Variants in EDA observed in about 807,000 individuals in gnomAD.
EDA encodes the protein ectodysplasin A.
EDA carries 2 observed loss-of-function variants against 23.6 expected under a neutral mutation model. That is an observed-to-expected ratio of 0.08 (90% CI 0.03 to 0.27). The LOEUF is 0.27. Among genes scored for constraint, EDA ranks in the 10% least tolerant of loss-of-function variants. The pLI, the probability that EDA is intolerant of heterozygous loss-of-function variation, is 1.00. For synonymous variants in EDA, 131 were observed against 132.0 expected (o/e 0.99, Z 0.05); for missense variants, 229 against 324.2 (o/e 0.71, Z 2.26).
intron 1 of EDA, among the ~76,000 whole-genome samples, chrX:69,683,321 T>TATA (rs779742084): frequency 1.8e-5 from 2 of 111,329 alleles, no homozygotes; most frequent in Admixed American, 9.6e-5. Flanking sequence ...GTGCCTGGCA[T>TATA]ATAATAATAA....
At chrX:70,001,287 C>T (rs1245703391) in intron 2 of EDA, among the ~76,000 whole-genome samples, 2 of 111,696 alleles carry the variant, frequency 1.8e-5, no homozygotes, top group African/African-American at 3.2e-5. Context: ...TAAAGGGACA[C>T]AACATGCACA....
chrX:69,674,855 T>C (rs1283469339), intron 1 of EDA, among the ~76,000 whole-genome samples: 2 of 112,142 alleles, frequency 1.8e-5, no homozygotes, highest in African/African-American at 6.5e-5. Flanking sequence ...CCTTCTACTC[T>C]CTTGGCTTCA....
At chrX:69,790,934 G>A (rs773731217) in intron 1 of EDA, among the ~76,000 whole-genome samples, 2 of 110,717 alleles carry the variant, frequency 1.8e-5, no homozygotes, top group Admixed American at 9.6e-5. Flanking sequence ...AAGTAGTTAT[G>A]ATAAGTGAAA....
At chrX:69,853,591 G>C (rs1602483617) in intron 1 of EDA, among the ~76,000 whole-genome samples, 1 of 112,070 alleles carries the variant, frequency 8.9e-6, no homozygotes, top group Non-Finnish European at 1.9e-5. Context: ...ACATATTGTG[G>C]TGAAAGTATG....
intron 1 of EDA, among the ~76,000 whole-genome samples, chrX:69,727,826 C>T (rs1017192982): frequency 4.5e-5 from 5 of 111,932 alleles, no homozygotes; most frequent in Non-Finnish European, 7.5e-5. Flanking sequence ...GTATTTTGTG[C>T]TTTTGTCAGC....
intron 1 of EDA, among the ~76,000 whole-genome samples, chrX:69,746,363 G>A (rs769902527): frequency 1.8e-5 from 2 of 111,721 alleles, no homozygotes; most frequent in East Asian, 5.7e-4. Flanking sequence ...TCTACATAGA[G>A]ATAAGGGCTC....
At position 70,024,933 on chromosome X, in the gene EDA, GA is replaced by G. The variant is rs2020088070; in HGVS notation, c.526+1693del. ...AAACGTCTCTGGGCTTTTATATCAT[GA>G]GGTGTTCTGTTAAAGTAAGGAAATC... On this transcript the variant is annotated intron_variant, in intron 3 of 7. Transcript: ENST00000374552. 2.7e-5 allele frequency among the ~76,000 whole-genome samples: 3 copies of G among 112,006 alleles called. No individual in the cohort carries two copies. In the South Asian group the frequency reaches 1.1e-3, roughly 42 times the overall value.
intron 1 of EDA, among the ~76,000 whole-genome samples, chrX:69,888,972 G>T (rs2017871824): frequency 1.2e-4 from 2 of 16,605 alleles, no homozygotes; most frequent in Non-Finnish European, 2.1e-4. Flanking sequence ...TTGTATTGTG[G>T]GGTAGTTATA....
At chrX:69,990,878 A>G (rs1386888543) in intron 2 of EDA, among the ~76,000 whole-genome samples, 1 of 109,467 alleles carries the variant, frequency 9.1e-6, no homozygotes, top group Non-Finnish European at 1.9e-5. Context: ...CCCAATGGTC[A>G]GTCCATTTTT....
intron 1 of EDA, among the ~76,000 whole-genome samples, chrX:69,877,002 AAATGCCAAACTG>A (rs1406938121): frequency 1.1e-4 from 12 of 112,348 alleles, no homozygotes; most frequent in Admixed American, 9.4e-5. Flanking sequence ...CTTTAGAAGA[AAATGCCAAACTG>A]TTTTGCAAAA....
At chrX:69,633,862 A>G (rs1481256712) in intron 1 of EDA, among the ~76,000 whole-genome samples, 1 of 111,991 alleles carries the variant, frequency 8.9e-6, no homozygotes, top group Non-Finnish European at 1.9e-5. Context: ...TTTTCCATTC[A>G]TTTGGGGTAT....
chrX:69,722,354 C>T (rs764280992), intron 1 of EDA, among the ~76,000 whole-genome samples: 11 of 109,544 alleles, frequency 1.0e-4, no homozygotes, highest in Admixed American at 3.9e-4. Context: ...TACAGGTGCC[C>T]ACCACCACGC....
chrX:70,005,012 C>T (rs761231519), intron 2 of EDA, among the ~76,000 whole-genome samples: 6 of 111,646 alleles, frequency 5.4e-5, no homozygotes, highest in Admixed American at 9.5e-5. Context: ...AGGAGGATTG[C>T]GTGAGCCCAG....
At chrX:69,776,395 C>T (rs1444307673) in intron 1 of EDA, among the ~76,000 whole-genome samples, 3 of 110,955 alleles carry the variant, frequency 2.7e-5, no homozygotes, top group Non-Finnish European at 1.9e-5. Flanking sequence ...ATGCTGTTCT[C>T]GTAGTAGTGA....
chrX:69,762,279 C>T (rs186335046), intron 1 of EDA, among the ~76,000 whole-genome samples: 6 of 111,997 alleles, frequency 5.4e-5, no homozygotes, highest in African/African-American at 1.9e-4. Flanking sequence ...GTGACCACTT[C>T]TCTCAGTCCC....
intron 2 of EDA, among the ~76,000 whole-genome samples, chrX:70,011,422 C>T (rs1602604521): frequency 9.2e-6 from 1 of 108,169 alleles, no homozygotes; most frequent in Non-Finnish European, 1.9e-5. Flanking sequence ...CCTCTGCCTC[C>T]CGGGTTCAAG....
intron 1 of EDA, among the ~76,000 whole-genome samples, chrX:69,725,730 G>A (rs1171795789): frequency 8.9e-6 from 1 of 112,482 alleles, no homozygotes; most frequent in Non-Finnish European, 1.9e-5. Flanking sequence ...GAAACCATGG[G>A]TATGGGGACT....
intron 1 of EDA, among the ~76,000 whole-genome samples, chrX:69,653,839 T>C (rs1299938627): frequency 9.0e-6 from 1 of 111,629 alleles, no homozygotes; most frequent in African/African-American, 3.3e-5. Context: ...CCTAAAACCA[T>C]AAAAACCCTA....
At chrX:69,868,576 G>T (rs1169588344) in intron 1 of EDA, among the ~76,000 whole-genome samples, 1 of 112,121 alleles carries the variant, frequency 8.9e-6, no homozygotes, top group Non-Finnish European at 1.9e-5. Flanking sequence ...CTTGCTCACT[G>T]GTTCGAATCA....
Sources: gnomAD v4.1 joint callset for allele counts (sites outside exome capture counted in the v4.1 genomes callset) on GRCh38, gnomAD v4.1.1 for gene constraint, MANE v1.5 for transcripts, NCBI Gene and HGNC (gene_info 2026-07-23, HGNC 2026-07-21) for gene names.